MTMR10: variants seen among roughly 807,000 people sequenced by gnomAD.
The protein encoded by MTMR10 is myotubularin-related protein 10.
In MTMR10, 56 loss-of-function variants were observed where a neutral mutation model predicts 88.1. The observed-to-expected ratio is 0.64, with a 90% CI of 0.51 to 0.79. The LOEUF (loss-of-function observed/expected upper bound fraction) is 0.79. Among genes scored for constraint, MTMR10 ranks in the 30% least tolerant of loss-of-function variants. The pLI, the probability that MTMR10 is intolerant of heterozygous loss-of-function variation, is 0.00. For synonymous variants in MTMR10, 380 were observed against 340.9 expected (o/e 1.11, Z -1.26); for missense variants, 883 against 924.7 (o/e 0.95, Z 0.58).
At chr15:30,943,934 G>A (rs2063126496) in intron 14 of MTMR10, 1 of 985,220 alleles carries the variant, frequency 1.0e-6, no homozygotes, top group Admixed American at 6.1e-5. Context: ...TTCGCTGGAG[G>A]AAATAACTCC....
intron 2 of MTMR10, among the ~76,000 whole-genome samples, chr15:30,979,845 G>C (rs769619690): frequency 6.6e-6 from 1 of 152,204 alleles, no homozygotes; most frequent in African/African-American, 2.4e-5. Flanking sequence ...TGGGTCCAAC[G>C]GATGGTAAAC....
downstream of MTMR10, among the ~76,000 whole-genome samples, chr15:30,934,617 G>A (rs1312554470): frequency 6.6e-6 from 1 of 152,146 alleles, no homozygotes; most frequent in African/African-American, 2.4e-5. Flanking sequence ...CCAGGCTCAA[G>A]CAGTTCACCT....
At chr15:30,986,304 G>A (rs536846248) in intron 2 of MTMR10, among the ~76,000 whole-genome samples, 9 of 151,824 alleles carry the variant, frequency 5.9e-5, no homozygotes, top group South Asian at 2.1e-4. Context: ...GTGACAGAGC[G>A]AGACCCTGTC....
chr15:30,963,156 T>C (rs1174406241), intron 6 of MTMR10, among the ~76,000 whole-genome samples: 2 of 152,128 alleles, frequency 1.3e-5, no homozygotes, highest in Admixed American at 1.3e-4. Context: ...AGTCCATCAG[T>C]TGCACTAGCC....
intron 14 of MTMR10, among the ~76,000 whole-genome samples, chr15:30,944,215 C>G (rs1362016091): frequency 2.0e-5 from 3 of 152,100 alleles, no homozygotes; most frequent in Non-Finnish European, 4.4e-5. Flanking sequence ...TAAAGTTTTA[C>G]AAAATTTTCT....
intron 2 of MTMR10, among the ~76,000 whole-genome samples, chr15:30,990,146 A>T (rs2031216994): frequency 6.6e-6 from 1 of 152,096 alleles, no homozygotes; most frequent in African/African-American, 2.4e-5. Flanking sequence ...GACAAAAAAA[A>T]ATTGGCAATG....
rs771520170 is a variant in MTMR10, at chr15:30,948,254, T to C, written c.1377+48A>G. 73 of 1,509,678 alleles carry C rather than the reference T, an allele frequency of 4.8e-5. No individual in the cohort carries two copies. The East Asian group carries it at 1.6e-3, about 33-fold the overall frequency. 93.5% of individuals were successfully genotyped at this position (1,509,678 alleles called of 1,614,324 possible). A position where few individuals can be genotyped will look rare whatever the true frequency, so the allele number is the denominator to read the frequency against. On this transcript the variant is annotated intron_variant, in intron 13 of 15. Transcript: ENST00000435680. ...TCATCTTTTAATGACACAAATTTTA[T>C]TTTGTGTATCCTTAAAGACTGATAA...
chr15:30,934,020 G>A (rs28805903), downstream of MTMR10, among the ~76,000 whole-genome samples: 41 of 152,148 alleles, frequency 2.7e-4, no homozygotes, highest in Admixed American at 1.1e-3. Flanking sequence ...AAAATGCTGA[G>A]AGTATACCGT....
At chr15:30,960,797 A>C in intron 7 of MTMR10, 84 bp downstream of exon 7, 1 of 1,359,368 alleles carries the variant, frequency 7.4e-7, no homozygotes, top group Non-Finnish European at 9.6e-7. Flanking sequence ...ACAACTTGAA[A>C]GTCATCAATG....
chr15:30,959,445 G>C (rs2959054), intron 7 of MTMR10, among the ~76,000 whole-genome samples: 49,587 of 152,172 alleles, frequency 0.33, 9,972 homozygotes, highest in East Asian at 0.79. Flanking sequence ...GACAGGCTAT[G>C]GTTAAGGACA....
intron 12 of MTMR10, chr15:30,949,362 A>C (rs1479330049): frequency 6.6e-6 from 1 of 152,226 alleles, no homozygotes; most frequent in Admixed American, 6.5e-5. Context: ...AGCCAGAGCA[A>C]TTAGGCAAGA....
the MTMR10 span, among the ~76,000 whole-genome samples, chr15:30,925,552 C>T: frequency 3.9e-5 from 6 of 152,310 alleles, no homozygotes; most frequent in East Asian, 9.6e-4. Flanking sequence ...GCATCTGCCC[C>T]GGTTTCATTT....
At position 30,942,075 on chromosome 15, in the gene MTMR10, A is replaced by G; in HGVS notation, c.1732-3T>C. The G allele has an allele frequency of 6.2e-7, 1 of 1,609,016 alleles. No individual in the cohort carries two copies. Among genetic ancestry groups the G allele is most frequent in the Non-Finnish European group, 8.5e-7 (1 of 1,176,816 alleles). On this transcript the variant is annotated splice_polypyrimidine_tract_variant and splice_region_variant and intron_variant, in intron 15 of 15. Transcript: ENST00000435680. Reference sequence around the variant, plus strand: ...CTTAGTGTGGAGCTGTAGCTTTTCTATACAGAAGAGATTTTATTATGTTCC... The same window carrying G: ...CTTAGTGTGGAGCTGTAGCTTTTCTGTACAGAAGAGATTTTATTATGTTCC...
chr15:30,934,809 T>C (rs774371316), downstream of MTMR10, among the ~76,000 whole-genome samples: 16 of 152,258 alleles, frequency 1.1e-4, no homozygotes, highest in Admixed American at 9.8e-4. Flanking sequence ...ATACACACTT[T>C]AGAGTAAAAA....
intron 14 of MTMR10, chr15:30,944,107 G>A (rs1462544834): frequency 1.3e-6 from 1 of 752,182 alleles, no homozygotes; most frequent in Non-Finnish European, 1.6e-6. Flanking sequence ...GCAGTCAGGA[G>A]GCCATGACTA....
chr15:30,937,317 CAT>C (rs999995156), downstream of MTMR10: 7 of 1,504,660 alleles, frequency 4.7e-6, no homozygotes, highest in South Asian at 1.2e-5. Context: ...GAGTATAAAA[CAT>C]GTTTTATTTA....
At chr15:30,930,884 G>A in the MTMR10 span, among the ~76,000 whole-genome samples, 1 of 152,154 alleles carries the variant, frequency 6.6e-6, no homozygotes, top group Non-Finnish European at 1.5e-5. Context: ...GCAAGACAGA[G>A]CTCCATCTCT....
chr15:30,977,039 A>T (rs1038675442), intron 2 of MTMR10, 84 bp from the exon 3 acceptor site: 21 of 1,313,836 alleles, frequency 1.6e-5, no homozygotes, highest in Non-Finnish European at 2.1e-5. Flanking sequence ...GTGTTTCATG[A>T]GGGCAAGGAT....
the MTMR10 span, chr15:30,928,749 AC>A: frequency 6.3e-7 from 1 of 1,587,102 alleles, no homozygotes; most frequent in South Asian, 1.2e-5. Context: ...GCCAGCAGAA[AC>A]CATCTCTGTT....
Sources: allele counts gnomAD v4.1 joint callset (sites outside exome capture counted in the v4.1 genomes callset), GRCh38; gene constraint gnomAD v4.1.1; transcripts MANE v1.5; gene names NCBI Gene and HGNC (gene_info 2026-07-23, HGNC 2026-07-21).